Variants in C3orf18 observed in about 807,000 individuals in gnomAD.
C3orf18 encodes uncharacterized protein C3orf18.
Under a neutral mutation model 14.1 loss-of-function variants are expected in C3orf18, and 12 were observed. The observed-to-expected ratio is 0.85, with a 90% confidence interval of 0.55 to 1.38. C3orf18 has a LOEUF of 1.38. C3orf18 is among the 40% of genes most tolerant of loss of function. The pLI, the probability that C3orf18 is intolerant of heterozygous loss-of-function variation, is 0.00. For missense variants in C3orf18, 196 were observed against 213.9 expected (o/e 0.92, Z 0.52); for synonymous variants, 82 against 87.9 (o/e 0.93, Z 0.38).
At chr3:50,571,510 T>C, upstream of C3orf18, 1 of 675,320 alleles carries the variant, frequency 1.5e-6, no homozygotes, top group Non-Finnish European at 2.6e-6. Context: ...AATATATCTC[T>C]GCCTAAGTGT....
chr3:50,558,719 G>T lies in C3orf18; in HGVS notation c.*938C>A, dbSNP rs763185341. 1.6e-5 allele frequency: 20 copies of T among 1,289,686 alleles called. No homozygotes were observed. In the South Asian group the frequency reaches 2.2e-4, roughly 14 times the overall value. The allele number at this position is 1,289,686 out of a possible 1,614,324, so 79.9% of individuals were successfully genotyped here. ...AAGCAGGTGAGCCCAGTGAAACAAT[G>T]CAGTGGAGAGAGGAACCGTGCTGTG... On this transcript the variant is annotated 3_prime_UTR_variant, in exon 6 of 6. Coordinates refer to ENST00000357203, the MANE Select transcript of C3orf18 (RefSeq NM_016210.5).
intron 3 of C3orf18, 26 bp from the exon 4 acceptor site, chr3:50,561,773 T>C (rs1445374325): frequency 2.5e-6 from 4 of 1,613,562 alleles, no homozygotes; most frequent in Non-Finnish European, 3.4e-6. Flanking sequence ...CAGCATCAAA[T>C]GGCAAGGAGA....
At chr3:50,573,200 AG>A (rs1374946518), upstream of C3orf18, among the ~76,000 whole-genome samples, 1 of 152,042 alleles carries the variant, frequency 6.6e-6, no homozygotes, top group Non-Finnish European at 1.5e-5. Flanking sequence ...CTGAAGTCAC[AG>A]GGCTGTCAAG....
At position 50,559,164 on chromosome 3, in the gene C3orf18, C is replaced by T. The variant is rs1373021334; in HGVS notation, c.*493G>A. 3 of 1,289,796 alleles carry T rather than the reference C, an allele frequency of 2.3e-6. No homozygotes were observed. The highest frequency in any genetic ancestry group is 2.3e-5 in the Admixed American group (1 of 43,556). 79.9% of individuals were successfully genotyped at this position (1,289,796 alleles called of 1,614,324 possible). A position where few individuals can be genotyped will look rare whatever the true frequency, so the allele number is the denominator to read the frequency against. ...AGCTCCATCTCTGGGCTTCTCAGGG[C>T]CCATAACAGATGCTGCCCTACCCTG... On this transcript the variant is annotated 3_prime_UTR_variant, in exon 6 of 6. Coordinates refer to ENST00000357203, the MANE Select transcript of C3orf18 (RefSeq NM_016210.5).
Position 50,558,770 on chromosome 3 carries a change from C to T in C3orf18, c.*887G>A. 1.0e-5 allele frequency: 13 copies of T among 1,289,840 alleles called. No homozygotes were observed. The highest frequency in any genetic ancestry group is 1.3e-5 in the Non-Finnish European group (13 of 988,868). 79.9% of individuals were successfully genotyped at this position (1,289,840 alleles called of 1,614,324 possible). ...CGTGCTTCCCTCTTCCCTGCAGTCC[C>T]TGAAGATTGAAGGCAGAGAAGATAG... On this transcript the variant is annotated 3_prime_UTR_variant, in exon 6 of 6. Coordinates refer to ENST00000357203, the MANE Select transcript of C3orf18 (RefSeq NM_016210.5).
Position 50,565,944 on chromosome 3 carries a change from TG to T in C3orf18, c.-163+61del. On this transcript the variant is annotated intron_variant, in intron 2 of 5. Transcript: ENST00000357203. This position sits in a 1 kb window ranked among gnomAD's most constrained non-coding sequence, Gnocchi z 4.4. ...AAGTCTCTCTAGGTTCTGAAAGCAC[TG>T]GGGAGGTAAAGGTTTGAGGGCAAGA... 1.8e-6 allele frequency: 1 copy of T among 542,290 alleles called. No individual in the cohort carries two copies. Among genetic ancestry groups the T allele is most frequent in the South Asian group, 2.3e-5 (1 of 44,088 alleles). The allele number at this position is 542,290 out of a possible 1,614,324, so 33.6% of individuals were successfully genotyped here. A position where few individuals can be genotyped will look rare whatever the true frequency, so the allele number is the denominator to read the frequency against.
At chr3:50,572,815 G>C (rs1462619246), upstream of C3orf18, among the ~76,000 whole-genome samples, 1 of 152,228 alleles carries the variant, frequency 6.6e-6, no homozygotes, top group African/African-American at 2.4e-5. Context: ...AAGGCACCCT[G>C]GTCCTGGAAG....
chr3:50,562,711 C>G, intron 3 of C3orf18: 1 of 358,652 alleles, frequency 2.8e-6, no homozygotes, highest in South Asian at 2.1e-5. Flanking sequence ...CTGACGGCCC[C>G]CAGTGGACTA....
At chr3:50,572,289 G>A (rs1701087792), upstream of C3orf18, 3 of 1,522,404 alleles carry the variant, frequency 2.0e-6, no homozygotes, top group Non-Finnish European at 2.7e-6. Flanking sequence ...CTTCCTCCAG[G>A]GGGCACTGGG....
upstream of C3orf18, chr3:50,571,874 G>A: frequency 6.8e-7 from 1 of 1,476,092 alleles, no homozygotes; most frequent in South Asian, 1.1e-5. Flanking sequence ...TCCCCACCAA[G>A]TTCAGGGAGG....
chr3:50,559,766 GACCA>G, intron 5 of C3orf18, 29 bp from the exon 6 acceptor site: 1 of 1,496,262 alleles, frequency 6.7e-7, no homozygotes, highest in Non-Finnish European at 9.1e-7. Context: ...GGGCATCAGA[GACCA>G]TGGGCAAGGC....
Position 50,565,909 on chromosome 3 carries a change from T to G in C3orf18, c.-162-48A>C. 1.7e-6 allele frequency: 1 copy of G among 582,074 alleles called. No individual in the cohort carries two copies. Among genetic ancestry groups the G allele is most frequent in the Non-Finnish European group, 3.1e-6 (1 of 326,266 alleles). 36.1% of individuals were successfully genotyped at this position (582,074 alleles called of 1,614,324 possible). On this transcript the variant is annotated intron_variant, in intron 2 of 5. Coordinates refer to ENST00000357203, the MANE Select transcript of C3orf18 (RefSeq NM_016210.5). This position sits in a 1 kb window ranked among gnomAD's most constrained non-coding sequence, Gnocchi z 4.4. ...CATGAGGCTAAGGACAGGGGCTCAG[T>G]AGTGAGATGAAGTCTCTCTAGGTTC... is the stretch of plus-strand genomic sequence containing the variant.
upstream of C3orf18, chr3:50,571,747 T>C: frequency 6.2e-7 from 1 of 1,614,174 alleles, no homozygotes; most frequent in Non-Finnish European, 8.5e-7. Flanking sequence ...ACCCAGCCCT[T>C]GACCTCTCAG....
Position 50,559,487 on chromosome 3 carries a change from TTAGAGTC to T in C3orf18, c.*163_*169del, listed in dbSNP as rs1202521236. Reference sequence around the variant, plus strand: ...AGTCCAGCCTGGCTAGGGCCCTCTCTTAGAGTCTAAAGTCAGCAGGTGGGTCTGGAGA... The same window carrying T: ...AGTCCAGCCTGGCTAGGGCCCTCTCTTAAAGTCAGCAGGTGGGTCTGGAGA... On this transcript the variant is annotated 3_prime_UTR_variant, in exon 6 of 6. Transcript: ENST00000357203. 3 of 1,428,160 alleles carry T rather than the reference TTAGAGTC, an allele frequency of 2.1e-6. No individual in the cohort carries two copies. The highest frequency in any genetic ancestry group is 1.4e-5 in the African/African-American group (1 of 69,260). 88.5% of individuals were successfully genotyped at this position (1,428,160 alleles called of 1,614,324 possible).
chr3:50,568,031 A>T (rs1700473582), upstream of C3orf18, among the ~76,000 whole-genome samples: 1 of 152,264 alleles, frequency 6.6e-6, no homozygotes, highest in Non-Finnish European at 1.5e-5. Flanking sequence ...ATGGATGTAC[A>T]GAGGAGACTT....
At chr3:50,559,771 TGG>T in intron 5 of C3orf18, 34 bp from the exon 6 acceptor site, 1 of 1,464,166 alleles carries the variant, frequency 6.8e-7, no homozygotes, top group Non-Finnish European at 9.3e-7. Context: ...TCAGAGACCA[TGG>T]GCAAGGCCAT....
At chr3:50,566,360 T>A (rs1230975697) in intron 1 of C3orf18, among the ~76,000 whole-genome samples, 1 of 152,034 alleles carries the variant, frequency 6.6e-6, no homozygotes, top group African/African-American at 2.4e-5. Flanking sequence ...AGAAAGTCAC[T>A]CCACCTCTCT....
upstream of C3orf18, chr3:50,571,859 C>T: frequency 2.0e-6 from 3 of 1,533,754 alleles, no homozygotes; most frequent in African/African-American, 2.7e-5. Flanking sequence ...GTCCAGCCTC[C>T]CCTATCCCCA....
chr3:50,563,993 G>T (rs1237264052), intron 3 of C3orf18, among the ~76,000 whole-genome samples: 1 of 152,242 alleles, frequency 6.6e-6, no homozygotes, highest in Non-Finnish European at 1.5e-5. Flanking sequence ...GACCTCTCAG[G>T]CCCTGGCCTC....
Sources: gnomAD v4.1 joint callset for allele counts (sites outside exome capture counted in the v4.1 genomes callset) on GRCh38, gnomAD v4.1.1 for gene constraint, Gnocchi (gnomAD v3.1) non-coding constraint, MANE v1.5 for transcripts, NCBI Gene and HGNC (gene_info 2026-07-23, HGNC 2026-07-21) for gene names.